Variants in SRGN observed in about 807,000 individuals in gnomAD.
The protein encoded by SRGN is hematopoetic proteoglycan core peptide.
A neutral mutation model predicts 9.5 loss-of-function variants in SRGN; 2 were observed. The observed-to-expected ratio is 0.21, with a 90% CI of 0.09 to 0.66. The LOEUF (loss-of-function observed/expected upper bound fraction) is 0.66, where lower values mean the gene tolerates loss of function less well. Ranked by LOEUF, SRGN falls within the 30% of genes least tolerant of loss-of-function variation. SRGN has a pLI of 0.83. For synonymous variants in SRGN, 59 were observed against 72.3 expected (o/e 0.82, Z 0.93); for missense variants, 170 against 192.4 (o/e 0.88, Z 0.69).
chr10:69,090,467 C>A (rs1840028587), intron 1 of SRGN, among the ~76,000 whole-genome samples: 1 of 152,164 alleles, frequency 6.6e-6, no homozygotes, highest in African/African-American at 2.4e-5. Context: ...AGTCCAAGAT[C>A]AAGGTGCTGG....
chr10:69,096,239 G>A lies in SRGN; in HGVS notation c.80-845G>A, dbSNP rs902217956. Among the ~76,000 whole-genome samples the A allele has an allele frequency of 9.2e-5, 14 of 152,162 alleles. 1 individual carries two copies. Among genetic ancestry groups the A allele is most frequent in the Admixed American group, 8.5e-4 (13 of 15,276 alleles). ...TGACTCATCTCTATGAAAAGATGTG[G>A]GCTTTGGGGTCAGATGTGGGTTGGA... On this transcript the variant is annotated intron_variant, in intron 1 of 2. Transcript: ENST00000242465.
At chr10:69,088,099 T>A, upstream of SRGN, 3 of 1,448,326 alleles carry the variant, frequency 2.1e-6, no homozygotes, top group Non-Finnish European at 2.9e-6. Context: ...GAGAGCACCC[T>A]GCTACATTTC....
In SRGN at chr10:69,091,920, G is replaced by GAA. The variant is rs1840070577; in HGVS notation, c.79+3687_79+3688dup. ...AAAAAAAAAAAAAAGAAAAAGAAAA[G>GAA]AAAAGAAAAAAAAAAGAAATTAGTA... On this transcript the variant is annotated intron_variant, in intron 1 of 2. Coordinates refer to ENST00000242465, the MANE Select transcript of SRGN (RefSeq NM_002727.4). 1.4e-3 allele frequency among the ~76,000 whole-genome samples: 111 copies of GAA among 81,254 alleles called. 1 individual carries two copies. Among genetic ancestry groups the GAA allele is most frequent in the East Asian group, 8.0e-3 (23 of 2,872 alleles). The allele number at this position is 81,254 out of a possible 152,430, so 53.3% of individuals were successfully genotyped here.
At position 69,104,038 on chromosome 10, in the gene SRGN, A is replaced by G. The variant is rs1840346164; in HGVS notation, c.395A>G (p.Asn132Ser). 1 of 1,614,174 alleles carries G rather than the reference A, an allele frequency of 6.2e-7. No homozygotes were observed. Among genetic ancestry groups the G allele is most frequent in the Non-Finnish European group, 8.5e-7 (1 of 1,180,044 alleles). Residue 132 changes from asparagine to serine, a missense_variant, in exon 3 of 3, where the codon AAC (asparagine) becomes AGC (serine). By Grantham distance (46) the Asn-to-Ser change is conservative. Transcript: ENST00000242465. The stretch of plus-strand genomic sequence containing the variant: ...GACGAAAGTGATGCTTTCCATGACA[A>G]CCTTAGGTCTCTTGACAGGAATCTG... Reference protein sequence around the residue: ...LVDESDAFHDNLRSLDRNLPS... With the variant: ...LVDESDAFHDSLRSLDRNLPS...
intron 1 of SRGN, among the ~76,000 whole-genome samples, chr10:69,091,614 C>T (rs1479010597): frequency 6.6e-6 from 1 of 151,988 alleles, no homozygotes; most frequent in East Asian, 1.9e-4. Context: ...TACAGTGGCT[C>T]ACGTCTGTAG....
chr10:69,091,911 AAAAG>A (rs369287879), intron 1 of SRGN, among the ~76,000 whole-genome samples: 21,604 of 116,386 alleles, frequency 0.19, 3,340 homozygotes, highest in Middle Eastern at 0.34. Context: ...AAAAAAAAGA[AAAAG>A]AAAAGAAAAG....
intron 2 of SRGN, chr10:69,098,938 C>T (rs980553845): frequency 6.6e-6 from 1 of 151,182 alleles, no homozygotes; most frequent in African/African-American, 2.4e-5. Context: ...GCCTAGGCAA[C>T]AGAGTAAGAC....
Position 69,104,039 on chromosome 10 carries a change from C to A in SRGN, c.396C>A (p.Asn132Lys). 1 of 1,614,150 alleles carries A rather than the reference C, an allele frequency of 6.2e-7. No individual in the cohort carries two copies. Among genetic ancestry groups the A allele is most frequent in the Non-Finnish European group, 8.5e-7 (1 of 1,180,042 alleles). Residue 132 changes from asparagine to lysine, a missense_variant, in exon 3 of 3, where the codon AAC becomes AAA. Transcript: ENST00000242465. ...ACGAAAGTGATGCTTTCCATGACAA[C>A]CTTAGGTCTCTTGACAGGAATCTGC... ...LVDESDAFHDNLRSLDRNLPS... is the reference protein window; with the variant it reads ...LVDESDAFHDKLRSLDRNLPS...
intron 2 of SRGN, among the ~76,000 whole-genome samples, chr10:69,101,013 A>C (rs1304246175): frequency 7.3e-6 from 1 of 136,986 alleles, no homozygotes; most frequent in African/African-American, 2.8e-5. Flanking sequence ...ACAGAGTCTC[A>C]CTCTTGTTGC....
chr10:69,091,704 C>A (rs954699252), intron 1 of SRGN, among the ~76,000 whole-genome samples: 1 of 145,930 alleles, frequency 6.9e-6, no homozygotes, highest in South Asian at 2.2e-4. Flanking sequence ...CATGGTGAAA[C>A]CCCCATCTCT....
chr10:69,099,317 T>TG (rs1332251172), intron 2 of SRGN, among the ~76,000 whole-genome samples: 1 of 151,058 alleles, frequency 6.6e-6, no homozygotes, highest in Admixed American at 6.6e-5. Context: ...TTGTTTTTTT[T>TG]TTTTTTTGAG....
intron 1 of SRGN, among the ~76,000 whole-genome samples, chr10:69,088,539 C>A (rs1839986582): frequency 6.6e-6 from 1 of 152,106 alleles, no homozygotes; most frequent in Non-Finnish European, 1.5e-5. Context: ...GAAAATGACT[C>A]CTGTGCCTGT....
In SRGN at chr10:69,104,239, A is replaced by T; in HGVS notation, c.*119A>T. On this transcript the variant is annotated 3_prime_UTR_variant, in exon 3 of 3. Coordinates refer to ENST00000242465, the MANE Select transcript of SRGN (RefSeq NM_002727.4). ...GAAATTTTTAAACATCTGAAAAAGA[A>T]GCTTAAGTTTTATCATCCTTTTTTT... The T allele has an allele frequency of 7.4e-7, 1 of 1,347,442 alleles. No individual in the cohort carries two copies. Among genetic ancestry groups the T allele is most frequent in the South Asian group, 1.5e-5 (1 of 65,224 alleles). The allele number at this position is 1,347,442 out of a possible 1,614,324, so 83.5% of individuals were successfully genotyped here.
At chr10:69,098,210 G>T (rs912818167) in intron 2 of SRGN, among the ~76,000 whole-genome samples, 1 of 152,032 alleles carries the variant, frequency 6.6e-6, no homozygotes, top group Non-Finnish European at 1.5e-5. Flanking sequence ...AGCAAAATGT[G>T]GTATAAGCAT....
chr10:69,090,769 TAAGATTGTGTTTACC>T (rs1840036350), intron 1 of SRGN, among the ~76,000 whole-genome samples: 1 of 152,092 alleles, frequency 6.6e-6, no homozygotes, highest in Non-Finnish European at 1.5e-5. Flanking sequence ...AGATGTGGGG[TAAGATTGTGTTTACC>T]AAGCACAAAG....
intron 2 of SRGN, among the ~76,000 whole-genome samples, chr10:69,099,965 C>T (rs1840256008): frequency 6.6e-6 from 1 of 152,152 alleles, no homozygotes; most frequent in African/African-American, 2.4e-5. Context: ...TGCCTCACGC[C>T]TGTAATCCCA....
At chr10:69,095,912 A>G (rs1840164698) in intron 1 of SRGN, among the ~76,000 whole-genome samples, 1 of 21,458 alleles carries the variant, frequency 4.7e-5, no homozygotes, top group African/African-American at 6.3e-5. Context: ...ACTCTCTCTC[A>G]ATAAAATAAA....
intron 1 of SRGN, among the ~76,000 whole-genome samples, chr10:69,094,421 T>C (rs1168002625): frequency 2.6e-5 from 4 of 152,184 alleles, no homozygotes; most frequent in African/African-American, 7.2e-5. Context: ...TATTGTTTAT[T>C]ATAGCAATTT....
chr10:69,100,959 G>A lies in SRGN; in HGVS notation c.228-2912G>A, dbSNP rs529824468. ...TCCACTATCGCTGTAGCCCAAGGAG[G>A]GAAGTATTTTTTTCTTTCTTTCTTT... is the stretch of plus-strand genomic sequence containing the variant. On this transcript the variant is annotated intron_variant, in intron 2 of 2. Transcript: ENST00000242465. Among the ~76,000 whole-genome samples the A allele has an allele frequency of 1.9e-4, 15 of 78,640 alleles. No individual in the cohort carries two copies. The South Asian group carries it at 6.1e-3, about 32-fold the overall frequency. 51.6% of individuals were successfully genotyped at this position (78,640 alleles called of 152,430 possible). A position where few individuals can be genotyped will look rare whatever the true frequency, so the allele number is the denominator to read the frequency against.
Sources: allele counts gnomAD v4.1 joint callset (sites outside exome capture counted in the v4.1 genomes callset), GRCh38; gene constraint gnomAD v4.1.1; transcripts MANE v1.5; gene names NCBI Gene and HGNC (gene_info 2026-07-23, HGNC 2026-07-21).